The following VPS26A variants were observed in gnomAD, a reference collection of about 807,000 sequenced individuals.
The protein encoded by VPS26A is vacuolar protein sorting-associated protein 26A.
Under a neutral mutation model 42.4 loss-of-function variants are expected in VPS26A, and 22 were observed. That is an observed-to-expected ratio of 0.52 (90% confidence interval 0.37 to 0.74). The LOEUF is 0.74. Ranked by LOEUF, VPS26A falls within the 30% of genes least tolerant of loss-of-function variation. The pLI is 0.00. For synonymous variants in VPS26A, 110 were observed against 123.5 expected, an observed-to-expected ratio of 0.89 and a Z score of 0.73; for missense variants, 276 against 379.2, an observed-to-expected ratio of 0.73 and a Z score of 2.26.
chr10:69,137,443 G>C (rs1840939104), intron 2 of VPS26A, among the ~76,000 whole-genome samples: 2 of 152,136 alleles, frequency 1.3e-5, no homozygotes, highest in South Asian at 4.1e-4. Context: ...AAATTTCCTT[G>C]TTGTGCTATG....
At chr10:69,149,473 G>T (rs1037567751) in intron 2 of VPS26A, among the ~76,000 whole-genome samples, 1 of 152,142 alleles carries the variant, frequency 6.6e-6, no homozygotes, top group Non-Finnish European at 1.5e-5. Flanking sequence ...TCCTGGACTG[G>T]AGAGGAAAAG....
intron 2 of VPS26A, among the ~76,000 whole-genome samples, chr10:69,137,901 C>G (rs989215125): frequency 2.7e-5 from 4 of 147,326 alleles, no homozygotes; most frequent in Non-Finnish European, 5.9e-5. Context: ...AAAATTCACC[C>G]ATTTTAAGTG....
intron 2 of VPS26A, among the ~76,000 whole-genome samples, chr10:69,136,155 G>T (rs1352149025): frequency 6.6e-6 from 1 of 152,104 alleles, no homozygotes; most frequent in African/African-American, 2.4e-5. Context: ...AGGTCCAGAG[G>T]CTTGAATCAA....
intron 5 of VPS26A, 115 bp from the exon 6 acceptor site, chr10:69,162,291 C>T: frequency 1.8e-6 from 1 of 544,626 alleles, no homozygotes; most frequent in Non-Finnish European, 3.2e-6. Context: ...TGCCCAGCCT[C>T]AAAATGGCTT....
intron 2 of VPS26A, among the ~76,000 whole-genome samples, chr10:69,150,675 G>A (rs1564680490): frequency 6.6e-6 from 1 of 152,146 alleles, no homozygotes; most frequent in African/African-American, 2.4e-5. Context: ...GGGATTACAG[G>A]CGTGAGCCAC....
intron 2 of VPS26A, among the ~76,000 whole-genome samples, chr10:69,139,395 C>T (rs1257289491): frequency 6.6e-6 from 1 of 152,110 alleles, no homozygotes; most frequent in Non-Finnish European, 1.5e-5. Context: ...CCTCTGCCTC[C>T]TAGGTTCAAG....
intron 8 of VPS26A, among the ~76,000 whole-genome samples, chr10:69,170,677 G>A (rs937438260): frequency 9.2e-5 from 14 of 152,142 alleles, no homozygotes; most frequent in Non-Finnish European, 2.1e-4. Context: ...GGTTATAGAG[G>A]GGCATGAATA....
At chr10:69,157,241 T>C in intron 4 of VPS26A, 78 bp downstream of exon 4, 1 of 1,457,332 alleles carries the variant, frequency 6.9e-7, no homozygotes, top group Non-Finnish European at 9.2e-7. Context: ...TATTTGAACC[T>C]CTAATTATAA....
chr10:69,171,452 T>C lies in VPS26A; in HGVS notation c.*183T>C. The stretch of plus-strand genomic sequence containing the variant: ...ATATAATGAAATGTTCGTTCATGTA[T>C]ATACATTTTTAAAAGTGCTTTCTTT... On this transcript the variant is annotated 3_prime_UTR_variant, in exon 9 of 9. Transcript: ENST00000263559. 2 of 471,048 alleles carry C rather than the reference T, an allele frequency of 4.2e-6. No individual in the cohort carries two copies. The highest frequency in any genetic ancestry group is 4.2e-4 in the Middle Eastern group (1 of 2,378). The allele number at this position is 471,048 out of a possible 1,614,324, so 29.2% of individuals were successfully genotyped here.
intron 2 of VPS26A, among the ~76,000 whole-genome samples, chr10:69,151,276 A>AAAAAAAAAAAAAAAAC (rs1554854511): frequency 1.3e-4 from 9 of 69,130 alleles, no homozygotes; most frequent in African/African-American, 3.6e-4. Context: ...AAAAAAAAAA[A>AAAAAAAAAAAAAAAAC]AAAAAAACAC....
chr10:69,154,151 G>A (rs979486032), intron 2 of VPS26A, among the ~76,000 whole-genome samples: 1 of 152,196 alleles, frequency 6.6e-6, no homozygotes, highest in Admixed American at 6.5e-5. Flanking sequence ...TAGAGAAGAA[G>A]AGTGTTATCA....
At chr10:69,139,838 C>A (rs1841000954) in intron 2 of VPS26A, among the ~76,000 whole-genome samples, 1 of 151,930 alleles carries the variant, frequency 6.6e-6, no homozygotes. Context: ...ATTTTTACTT[C>A]TATTTCTAAT....
At chr10:69,126,048 A>G (rs562892329) in intron 1 of VPS26A, among the ~76,000 whole-genome samples, 1 of 152,364 alleles carries the variant, frequency 6.6e-6, no homozygotes, top group Non-Finnish European at 1.5e-5. Context: ...ATTGCAGTCC[A>G]GTTATTTAAA....
At chr10:69,169,552 C>G (rs536107241) in intron 8 of VPS26A, among the ~76,000 whole-genome samples, 32 of 152,138 alleles carry the variant, frequency 2.1e-4, no homozygotes, top group African/African-American at 7.0e-4. Flanking sequence ...CTGCCTTGGC[C>G]TCCCAAAGTG....
In VPS26A at chr10:69,158,229, A is replaced by G; in HGVS notation, c.551+18A>G. ...AAATCAAAGTAAGTATCATTCACAG[A>G]TAAGTTGTTCAGAGAAAATTCAAAA... On this transcript the variant is annotated intron_variant, in intron 5 of 8. Coordinates refer to ENST00000263559, the MANE Select transcript of VPS26A (RefSeq NM_004896.5). The G allele has an allele frequency of 1.3e-6, 2 of 1,552,354 alleles. No individual in the cohort carries two copies. Among genetic ancestry groups the G allele is most frequent in the Non-Finnish European group, 8.7e-7 (1 of 1,151,860 alleles).
At position 69,173,399 on chromosome 10, in the gene VPS26A, G is replaced by A. The variant is rs769327588; in HGVS notation, c.*2130G>A. On this transcript the variant is annotated 3_prime_UTR_variant, in exon 9 of 9. Coordinates refer to ENST00000263559, the MANE Select transcript of VPS26A (RefSeq NM_004896.5). ...CTCAGCCACTTCAGGAGTCTGAGGC[G>A]GAAGGATCACCTGGAATTCGAGACC... Among the ~76,000 whole-genome samples the A allele has an allele frequency of 1.3e-5, 2 of 152,120 alleles. No homozygotes were observed. Among genetic ancestry groups the A allele is most frequent in the Non-Finnish European group, 2.9e-5 (2 of 68,032 alleles).
rs1050763086 is a variant in VPS26A, at chr10:69,174,194, T to G, written c.*2925T>G. ...GTGCCACATTTAAGAGCTGTAACAC[T>G]CAAGGCGAAGGTCCACGGCTCCGTT... On this transcript the variant is annotated 3_prime_UTR_variant, in exon 9 of 9. Transcript: ENST00000263559. 6.9e-6 allele frequency among the ~76,000 whole-genome samples: 1 copy of G among 144,356 alleles called. No homozygotes were observed. Among genetic ancestry groups the G allele is most frequent in the Admixed American group, 7.3e-5 (1 of 13,762 alleles). The allele number at this position is 144,356 out of a possible 152,430, so 94.7% of individuals were successfully genotyped here.
At chr10:69,136,757 C>T (rs1840920707) in intron 2 of VPS26A, among the ~76,000 whole-genome samples, 1 of 151,808 alleles carries the variant, frequency 6.6e-6, no homozygotes, top group Non-Finnish European at 1.5e-5. Context: ...GAATGCTTGA[C>T]CTTTTTCCTT....
At chr10:69,132,798 G>T in intron 1 of VPS26A, 100 bp from the exon 2 acceptor site, 1 of 1,162,244 alleles carries the variant, frequency 8.6e-7, no homozygotes, top group Non-Finnish European at 1.2e-6. Flanking sequence ...TCACAGATTT[G>T]CAGTCTATTT....
Sources: allele counts gnomAD v4.1 joint callset (sites outside exome capture counted in the v4.1 genomes callset), GRCh38; gene constraint gnomAD v4.1.1; transcripts MANE v1.5; gene names NCBI Gene and HGNC (gene_info 2026-07-23, HGNC 2026-07-21).